The following GRID1 variants were observed in gnomAD, a reference collection of about 807,000 sequenced individuals.
GRID1 encodes the protein glutamate receptor ionotropic, delta-1.
A neutral mutation model predicts 98.0 loss-of-function variants in GRID1; 28 were observed. The ratio of observed to expected loss-of-function variants is 0.29; its 90% CI spans 0.21 to 0.39. GRID1 has a LOEUF of 0.39. Ranked by LOEUF, GRID1 falls within the 10% of genes least tolerant of loss-of-function variation. The pLI, the probability that GRID1 is intolerant of heterozygous loss-of-function variation, is 1.00. For missense variants in GRID1, 1,111 were observed against 1,340.5 expected (o/e 0.83, Z 2.67); for synonymous variants, 553 against 538.5 (o/e 1.03, Z -0.37).
rs142369934 is a variant in GRID1 at position 86,205,789 on chromosome 10, A to G, written c.520+575T>C. Among the ~76,000 whole-genome samples the G allele has an allele frequency of 1.9e-3, 288 of 152,300 alleles. 1 individual carries two copies. Among genetic ancestry groups the G allele is most frequent in the African/African-American group, 6.7e-3 (280 of 41,560 alleles). On this transcript the variant is annotated intron_variant, in intron 3 of 15. Transcript: ENST00000327946. ...AGCCCATTTTTGTGGTTTCCTAACAAGCAAATTATGATTTTTTTTCATATG... is the reference window on the plus strand; with the variant it reads ...AGCCCATTTTTGTGGTTTCCTAACAGGCAAATTATGATTTTTTTTCATATG...
intron 4 of GRID1, among the ~76,000 whole-genome samples, chr10:86,021,776 T>A (rs781188596): frequency 7.9e-5 from 12 of 152,168 alleles, no homozygotes; most frequent in Admixed American, 2.6e-4. Flanking sequence ...TAGTATATTC[T>A]GTAAGTGAAC....
At chr10:85,802,724 A>C (rs1408114143) in intron 8 of GRID1, among the ~76,000 whole-genome samples, 1 of 151,230 alleles carries the variant, frequency 6.6e-6, no homozygotes. Flanking sequence ...ACAAAAAAAA[A>C]CTGTTTTCAA....
chr10:85,898,680 C>T (rs1348033171), intron 5 of GRID1, among the ~76,000 whole-genome samples: 1 of 152,114 alleles, frequency 6.6e-6, no homozygotes, highest in Non-Finnish European at 1.5e-5. Flanking sequence ...CTTCCACCTC[C>T]ACATCTTGTC....
chr10:86,312,961 C>T (rs1847851757), intron 2 of GRID1, among the ~76,000 whole-genome samples: 1 of 152,224 alleles, frequency 6.6e-6, no homozygotes, highest in African/African-American at 2.4e-5. Flanking sequence ...TAGCATCTTG[C>T]AGAGCTGTGG....
At chr10:85,951,710 A>G (rs1842127899) in intron 4 of GRID1, among the ~76,000 whole-genome samples, 1 of 152,182 alleles carries the variant, frequency 6.6e-6, no homozygotes, top group Non-Finnish European at 1.5e-5. Flanking sequence ...GTGCCCACCC[A>G]GACACACCCC....
intron 4 of GRID1, among the ~76,000 whole-genome samples, chr10:86,089,090 C>T (rs1265102074): frequency 1.3e-5 from 2 of 152,176 alleles, no homozygotes; most frequent in Admixed American, 6.5e-5. Flanking sequence ...CCCATCTTCA[C>T]CAGGCTGAAA....
intron 15 of GRID1, among the ~76,000 whole-genome samples, chr10:85,611,701 G>GAGACCTGGGTGAC (rs1490301466): frequency 1.3e-5 from 2 of 152,194 alleles, no homozygotes; most frequent in African/African-American, 4.8e-5. Flanking sequence ...TCTGTGCATA[G>GAGACCTGGGTGAC]AGACCTGGGT....
At chr10:85,767,655 A>G (rs1404700657) in intron 8 of GRID1, among the ~76,000 whole-genome samples, 3 of 152,178 alleles carry the variant, frequency 2.0e-5, no homozygotes, top group African/African-American at 7.2e-5. Flanking sequence ...ATTCAAGGGA[A>G]AGCGGTGGGC....
At chr10:85,751,575 GC>G (rs1254626957) in intron 8 of GRID1, among the ~76,000 whole-genome samples, 1 of 152,080 alleles carries the variant, frequency 6.6e-6, no homozygotes, top group Non-Finnish European at 1.5e-5. Flanking sequence ...ACTTAGTAGA[GC>G]TCAATCTCCC....
intron 4 of GRID1, among the ~76,000 whole-genome samples, chr10:85,950,664 T>A (rs972216224): frequency 6.6e-6 from 1 of 152,156 alleles, no homozygotes; most frequent in Non-Finnish European, 1.5e-5. Flanking sequence ...CTAATTTTAA[T>A]CAGTTCGCAA....
At chr10:85,907,260 T>A (rs1359722421) in intron 5 of GRID1, among the ~76,000 whole-genome samples, 1 of 152,020 alleles carries the variant, frequency 6.6e-6, no homozygotes, top group Admixed American at 6.6e-5. Context: ...TACAGGGGTG[T>A]ATCACCACAC....
At chr10:85,667,316 C>CACAG (rs1178027068) in intron 12 of GRID1, among the ~76,000 whole-genome samples, 1,613 of 148,862 alleles carry the variant, frequency 0.011, 8 homozygotes, top group African/African-American at 0.026. Flanking sequence ...CACACACACA[C>CACAG]AGAGAGAGAG....
chr10:85,689,124 C>T (rs992390489), intron 12 of GRID1, among the ~76,000 whole-genome samples: 6 of 152,178 alleles, frequency 3.9e-5, no homozygotes, highest in Non-Finnish European at 8.8e-5. Flanking sequence ...GCACAACTCT[C>T]CCAACTTCCT....
chr10:85,943,655 T>C (rs577906609), intron 4 of GRID1, among the ~76,000 whole-genome samples: 6 of 152,250 alleles, frequency 3.9e-5, no homozygotes, highest in African/African-American at 1.2e-4. Context: ...CCTATGTAGT[T>C]CAAACTCATG....
At chr10:85,607,816 T>A (rs1013832989) in intron 15 of GRID1, among the ~76,000 whole-genome samples, 3 of 150,588 alleles carry the variant, frequency 2.0e-5, no homozygotes, top group Admixed American at 1.3e-4. Context: ...CCTTTTTTTT[T>A]TTTTTTTGTT....
chr10:85,774,670 T>A (rs1359381297), intron 8 of GRID1, among the ~76,000 whole-genome samples: 1 of 152,062 alleles, frequency 6.6e-6, no homozygotes. Context: ...GCAAAGGACA[T>A]GAACAGACAC....
intron 5 of GRID1, among the ~76,000 whole-genome samples, chr10:85,910,141 C>T (rs76458908): frequency 0.014 from 2,161 of 152,188 alleles, 43 homozygotes; most frequent in African/African-American, 0.049. Context: ...TTATGACAAA[C>T]GTAATTGTTT....
chr10:85,776,053 T>A (rs1279678430), intron 8 of GRID1, among the ~76,000 whole-genome samples: 1 of 152,052 alleles, frequency 6.6e-6, no homozygotes, highest in Non-Finnish European at 1.5e-5. Flanking sequence ...GGTGGTCTCA[T>A]TAGTTAGCCA....
chr10:85,627,392 A>G (rs1193685455), intron 13 of GRID1, among the ~76,000 whole-genome samples: 1 of 152,258 alleles, frequency 6.6e-6, no homozygotes, highest in Admixed American at 6.5e-5. Context: ...CGCTAAATAA[A>G]TAATAATCTA....
Sources: gnomAD v4.1 joint callset for allele counts (sites outside exome capture counted in the v4.1 genomes callset) on GRCh38, gnomAD v4.1.1 for gene constraint, MANE v1.5 for transcripts, NCBI Gene and HGNC (gene_info 2026-07-23, HGNC 2026-07-21) for gene names.